Variants in VPS45 observed in about 807,000 individuals in gnomAD.
The protein encoded by VPS45 is vacuolar protein sorting 45 homolog.
Under a neutral mutation model 75.9 loss-of-function variants are expected in VPS45, and 35 were observed. The observed-to-expected ratio is 0.46, with a 90% confidence interval of 0.35 to 0.61. The LOEUF (loss-of-function observed/expected upper bound fraction) is 0.61. Among genes scored for constraint, VPS45 ranks in the 20% least tolerant of loss-of-function variants. The pLI is 0.00. For synonymous variants in VPS45, 220 were observed against 238.2 expected, an observed-to-expected ratio of 0.92 and a Z score of 0.70; for missense variants, 559 against 685.9, an observed-to-expected ratio of 0.81 and a Z score of 2.07.
chr1:150,081,240 A>T (rs782017979), intron 7 of VPS45, 102 bp from the exon 8 acceptor site: 337 of 1,140,148 alleles, frequency 3.0e-4, no homozygotes, highest in Non-Finnish European at 3.6e-4. Context: ...TCATGTAAAG[A>T]AGACTAGTTA....
At chr1:150,077,318 A>G (rs1655449970) in intron 6 of VPS45, 87 bp downstream of exon 6, 3 of 1,487,422 alleles carry the variant, frequency 2.0e-6, no homozygotes, top group African/African-American at 1.4e-5. Context: ...TAGTTTATTT[A>G]CAACCAAGGA....
intron 12 of VPS45, among the ~76,000 whole-genome samples, chr1:150,093,142 G>A (rs587658944): frequency 3.3e-5 from 5 of 152,092 alleles, no homozygotes; most frequent in Non-Finnish European, 5.9e-5. Context: ...CACCGCGCCC[G>A]GCAGCCTTTC....
intron 14 of VPS45, among the ~76,000 whole-genome samples, chr1:150,137,417 C>T (rs1302767392): frequency 8.5e-5 from 13 of 152,068 alleles, no homozygotes; most frequent in Admixed American, 5.9e-4. Flanking sequence ...GTAAGACAAA[C>T]CATTAGAAGA....
intron 14 of VPS45, among the ~76,000 whole-genome samples, chr1:150,113,227 T>C (rs1657743212): frequency 6.6e-6 from 1 of 151,682 alleles, no homozygotes; most frequent in Admixed American, 6.6e-5. Context: ...GTCATCTCAT[T>C]GAAACAAAAG....
At chr1:150,090,689 C>A (rs75215871) in intron 10 of VPS45, among the ~76,000 whole-genome samples, 1,809 of 152,258 alleles carry the variant, frequency 0.012, 15 homozygotes, top group Middle Eastern at 0.034. Flanking sequence ...TCCTGGGGCT[C>A]ATGTTTTCTT....
rs186854756 is a variant in VPS45, at chr1:150,101,603, G to A, written c.1493+7955G>A. Among the ~76,000 whole-genome samples the A allele has an allele frequency of 2.7e-3, 414 of 151,792 alleles. 3 individuals are homozygous for A. Among genetic ancestry groups the A allele is most frequent in the Non-Finnish European group, 4.8e-3 (327 of 67,916 alleles). On this transcript the variant is annotated intron_variant, in intron 13 of 14. Coordinates refer to ENST00000644510, the MANE Select transcript of VPS45 (RefSeq NM_007259.5). ...ACAAAAATTAGCCAGGCCTGGTGGC[G>A]CGTGCCTGTAATCTCAGCTACTCGG...
intron 4 of VPS45, 66 bp downstream of exon 4, chr1:150,076,378 TA>T: frequency 1.5e-6 from 2 of 1,346,316 alleles, no homozygotes; most frequent in East Asian, 2.5e-5. Context: ...AGTCTAAAAA[TA>T]AAAAATAAGG....
At chr1:150,079,855 A>G (rs1158520705) in intron 7 of VPS45, among the ~76,000 whole-genome samples, 1 of 152,218 alleles carries the variant, frequency 6.6e-6, no homozygotes, top group Non-Finnish European at 1.5e-5. Context: ...TCAAAGTAAT[A>G]TATGTTCACC....
At chr1:150,138,093 C>T (rs1449639992) in intron 14 of VPS45, among the ~76,000 whole-genome samples, 3 of 152,030 alleles carry the variant, frequency 2.0e-5, no homozygotes, top group African/African-American at 4.8e-5. Context: ...CTCACATATT[C>T]TCTTAAATCC....
intron 13 of VPS45, among the ~76,000 whole-genome samples, chr1:150,106,241 A>G (rs1478144798): frequency 1.3e-5 from 2 of 152,178 alleles, no homozygotes; most frequent in Non-Finnish European, 2.9e-5. Context: ...TGCAACAAAA[A>G]CAAAAGTAGA....
At chr1:150,115,126 T>C (rs1657862903) in intron 14 of VPS45, among the ~76,000 whole-genome samples, 1 of 152,166 alleles carries the variant, frequency 6.6e-6, no homozygotes, top group East Asian at 1.9e-4. Context: ...CTGTTGCTTC[T>C]CTTTCATCTC....
chr1:150,071,051 G>A (rs908673450), intron 2 of VPS45, among the ~76,000 whole-genome samples: 3 of 151,802 alleles, frequency 2.0e-5, no homozygotes, highest in African/African-American at 7.3e-5. Context: ...AATCTAAATT[G>A]CATTTTTAAA....
chr1:150,089,398 G>A (rs587703610), intron 10 of VPS45, among the ~76,000 whole-genome samples: 13 of 151,302 alleles, frequency 8.6e-5, no homozygotes, highest in African/African-American at 2.7e-4. Context: ...TCACTCTGTC[G>A]CCCAGGCTGG....
intron 13 of VPS45, chr1:150,098,910 A>G (rs1656812332): frequency 8.0e-7 from 1 of 1,251,270 alleles, no homozygotes; most frequent in South Asian, 1.4e-5. Flanking sequence ...AAATGGAGCT[A>G]TATGATCATG....
chr1:150,131,295 G>A lies in VPS45; in HGVS notation c.1626-13414G>A, dbSNP rs138240944. Among the ~76,000 whole-genome samples, 836 of 152,214 alleles carry A rather than the reference G, an allele frequency of 5.5e-3. 7 individuals are homozygous for A. Among genetic ancestry groups the A allele is most frequent in the Middle Eastern group, 0.027 (8 of 294 alleles). On this transcript the variant is annotated intron_variant, in intron 14 of 14. Coordinates refer to ENST00000644510, the MANE Select transcript of VPS45 (RefSeq NM_007259.5). ...AAGCCGAGGCAGGTGGATTGCCTGAGGTCAGGAGTTTGAAACCAGCCTGGC... is the reference window on the plus strand; with the variant it reads ...AAGCCGAGGCAGGTGGATTGCCTGAAGTCAGGAGTTTGAAACCAGCCTGGC...
intron 9 of VPS45, 110 bp from the exon 10 acceptor site, chr1:150,082,606 T>C: frequency 7.3e-7 from 1 of 1,374,496 alleles, no homozygotes. Context: ...TTGTAGATGC[T>C]TTAATCTGGG....
At chr1:150,069,607 C>A (rs1274840986) in intron 2 of VPS45, among the ~76,000 whole-genome samples, 1 of 107,180 alleles carries the variant, frequency 9.3e-6, no homozygotes, top group Admixed American at 1.0e-4. Context: ...CAGGTGCCCG[C>A]CACCACGCCC....
intron 13 of VPS45, among the ~76,000 whole-genome samples, chr1:150,097,847 T>TTTTG (rs1259900576): frequency 3.9e-5 from 6 of 151,978 alleles, no homozygotes; most frequent in South Asian, 4.1e-4. Context: ...CAGTAACTCT[T>TTTTG]TTTGTTTGTT....
chr1:150,144,928 G>A lies in VPS45; in HGVS notation c.*132G>A. The stretch of plus-strand genomic sequence containing the variant: ...AGAACTCATCTCCAGGTAGCCCACG[G>A]ATACGTGGTTGGCACAGACACAAGA... On this transcript the variant is annotated 3_prime_UTR_variant, in exon 15 of 15. Transcript: ENST00000644510. The A allele has an allele frequency of 1.3e-6, 2 of 1,545,612 alleles. No individual in the cohort carries two copies. The highest frequency in any genetic ancestry group is 1.7e-6 in the Non-Finnish European group (2 of 1,150,092).
Sources: allele counts gnomAD v4.1 joint callset (sites outside exome capture counted in the v4.1 genomes callset), GRCh38; gene constraint gnomAD v4.1.1; transcripts MANE v1.5; gene names NCBI Gene and HGNC (gene_info 2026-07-23, HGNC 2026-07-21).